Variants in LHFPL3 observed in about 807,000 individuals in gnomAD.
The protein encoded by LHFPL3 is LHFPL tetraspan subfamily member 3.
Under a neutral mutation model 19.3 loss-of-function variants are expected in LHFPL3, and 5 were observed. That is an observed-to-expected ratio of 0.26 (90% confidence interval 0.14 to 0.54). The LOEUF is 0.54. LHFPL3 is among the 20% of genes least tolerant of loss of function. The pLI is 0.94. For missense variants in LHFPL3, 249 were observed against 307.4 expected, an observed-to-expected ratio of 0.81 and a Z score of 1.42; for synonymous variants, 133 against 126.2, an observed-to-expected ratio of 1.05 and a Z score of -0.36.
At chr7:104,460,694 GTTAT>G (rs1232345090) in intron 1 of LHFPL3, among the ~76,000 whole-genome samples, 1 of 151,942 alleles carries the variant, frequency 6.6e-6, no homozygotes, top group South Asian at 2.1e-4. Flanking sequence ...TTTTAATGGG[GTTAT>G]TTGTTTTCTT....
rs964272474 is a variant in LHFPL3, at chr7:104,901,072, C to T, written c.683-5115C>T. Among the ~76,000 whole-genome samples, 4 of 152,250 alleles carry T rather than the reference C, an allele frequency of 2.6e-5. 1 individual carries two copies. The highest frequency in any genetic ancestry group is 2.6e-4 in the Admixed American group (4 of 15,284). On this transcript the variant is annotated intron_variant, in intron 2 of 2. Transcript: ENST00000424859. ...ACCACACTGATGCTTCCACCAAATT[C>T]TGCAAATTGTCCTCGTGTCTCACGG...
chr7:104,869,296 A>G (rs1791787823), intron 2 of LHFPL3, among the ~76,000 whole-genome samples: 1 of 152,252 alleles, frequency 6.6e-6, no homozygotes, highest in Non-Finnish European at 1.5e-5. Flanking sequence ...ATCAGGGTAA[A>G]CAGGGAACCT....
rs145061000 is a variant in LHFPL3 at position 104,419,947 on chromosome 7, C to T, written c.445+90723C>T. 2.0e-5 allele frequency among the ~76,000 whole-genome samples: 3 copies of T among 152,034 alleles called. No individual in the cohort carries two copies. In the East Asian group the frequency reaches 5.9e-4, roughly 30 times the overall value. ...AAATTTACTTACATCCTCAGTCTCC[C>T]AGAGTTAAAAACAAACAAACAAACA... On this transcript the variant is annotated intron_variant, in intron 1 of 2. Transcript: ENST00000424859.
intron 1 of LHFPL3, among the ~76,000 whole-genome samples, chr7:104,435,945 C>T (rs1197600421): frequency 6.6e-6 from 1 of 151,896 alleles, no homozygotes; most frequent in Non-Finnish European, 1.5e-5. Flanking sequence ...TGTATTTGAT[C>T]TGAGTCTATG....
At position 104,829,599 on chromosome 7, in the gene LHFPL3, C is replaced by T. The variant is rs369184225; in HGVS notation, c.683-76588C>T. On this transcript the variant is annotated intron_variant, in intron 2 of 2. Coordinates refer to ENST00000424859, the MANE Select transcript of LHFPL3 (RefSeq NM_199000.3). ...TGTGGTGTTTGGTTTTTTGTCCTTG[C>T]AATAGTTTGCTGAGAATGATGGTTT... 4.2e-3 allele frequency among the ~76,000 whole-genome samples: 635 copies of T among 151,376 alleles called. 16 individuals are homozygous for T. In the East Asian group the frequency reaches 0.057, roughly 13 times the overall value.
chr7:104,516,907 G>T (rs759500672), intron 1 of LHFPL3, among the ~76,000 whole-genome samples: 4 of 152,146 alleles, frequency 2.6e-5, no homozygotes, highest in African/African-American at 9.7e-5. Context: ...AATGCCCATC[G>T]ATGGTAGACT....
chr7:104,474,980 C>G (rs1416983961), intron 1 of LHFPL3, among the ~76,000 whole-genome samples: 1 of 152,190 alleles, frequency 6.6e-6, no homozygotes, highest in East Asian at 1.9e-4. Flanking sequence ...ACAAAAGACA[C>G]AGAATCCTTG....
intron 1 of LHFPL3, among the ~76,000 whole-genome samples, chr7:104,475,802 C>T (rs576703725): frequency 5.9e-5 from 9 of 152,216 alleles, no homozygotes; most frequent in South Asian, 2.1e-4. Context: ...AAAATGATTT[C>T]GGGGAAGGCT....
chr7:104,382,105 C>T lies in LHFPL3; in HGVS notation c.445+52881C>T, dbSNP rs28727869. Among the ~76,000 whole-genome samples, 1,511 of 152,214 alleles carry T rather than the reference C, an allele frequency of 9.9e-3. 38 individuals are homozygous for T. Among genetic ancestry groups the T allele is most frequent in the African/African-American group, 0.034 (1,415 of 41,520 alleles). On this transcript the variant is annotated intron_variant, in intron 1 of 2. Coordinates refer to ENST00000424859, the MANE Select transcript of LHFPL3 (RefSeq NM_199000.3). ...CTTACTATATTGTGGCTTCTCAGAC[C>T]AATCCAGGCACATGGATGCAGAGGG...
intron 1 of LHFPL3, among the ~76,000 whole-genome samples, chr7:104,735,349 C>G (rs1164689811): frequency 1.3e-5 from 2 of 152,260 alleles, no homozygotes; most frequent in African/African-American, 4.8e-5. Context: ...CCTCCTTGAG[C>G]TGCGGTGGGC....
intron 1 of LHFPL3, among the ~76,000 whole-genome samples, chr7:104,630,867 A>G (rs1791626723): frequency 1.3e-5 from 2 of 152,178 alleles, no homozygotes; most frequent in African/African-American, 4.8e-5. Context: ...CTTAGGGCTC[A>G]GTTTGAGTGT....
chr7:104,742,473 G>A (rs1251852142), intron 2 of LHFPL3, among the ~76,000 whole-genome samples: 1 of 152,174 alleles, frequency 6.6e-6, no homozygotes, highest in Non-Finnish European at 1.5e-5. Flanking sequence ...GCAACTAATT[G>A]AGAAATCTTT....
chr7:104,840,308 C>CTTTTTTT (rs67980957), intron 2 of LHFPL3, among the ~76,000 whole-genome samples: 1 of 118,374 alleles, frequency 8.4e-6, no homozygotes, highest in Non-Finnish European at 1.6e-5. Flanking sequence ...TGTGGGTTTT[C>CTTTTTTT]TTTTTTTTTT....
chr7:104,746,907 G>A (rs1033260304), intron 2 of LHFPL3, among the ~76,000 whole-genome samples: 13 of 152,160 alleles, frequency 8.5e-5, no homozygotes, highest in African/African-American at 4.8e-5. Flanking sequence ...TTGCCCTGCT[G>A]TCTCCCTTTG....
At chr7:104,498,958 G>A (rs187504690) in intron 1 of LHFPL3, among the ~76,000 whole-genome samples, 1 of 152,070 alleles carries the variant, frequency 6.6e-6, no homozygotes, top group African/African-American at 2.4e-5. Context: ...TTCCAAAAAT[G>A]TTCAAAGATT....
chr7:104,681,154 C>CTTT (rs35342944), intron 1 of LHFPL3, among the ~76,000 whole-genome samples: 24 of 132,608 alleles, frequency 1.8e-4, no homozygotes, highest in East Asian at 6.5e-4. Context: ...TTCTTTTCTT[C>CTTT]TTTTTTTTTT....
intron 1 of LHFPL3, among the ~76,000 whole-genome samples, chr7:104,434,944 A>G (rs965638357): frequency 3.3e-5 from 5 of 152,322 alleles, no homozygotes; most frequent in Admixed American, 3.3e-4. Context: ...TTATTAATTT[A>G]TAAATACATT....
At chr7:104,331,772 A>G (rs1431315311) in intron 1 of LHFPL3, among the ~76,000 whole-genome samples, 1 of 152,086 alleles carries the variant, frequency 6.6e-6, no homozygotes, top group East Asian at 1.9e-4. Context: ...CAACATGGTG[A>G]AACTCCATCT....
chr7:104,458,931 G>A (rs1792604924), intron 1 of LHFPL3, among the ~76,000 whole-genome samples: 1 of 152,176 alleles, frequency 6.6e-6, no homozygotes, highest in South Asian at 2.1e-4. Context: ...CAGTGCAATA[G>A]TGGTAACAGC....
Sources: gnomAD v4.1 joint callset for allele counts (sites outside exome capture counted in the v4.1 genomes callset) on GRCh38, gnomAD v4.1.1 for gene constraint, MANE v1.5 for transcripts, NCBI Gene and HGNC (gene_info 2026-07-23, HGNC 2026-07-21) for gene names.